SKI: variants seen among roughly 807,000 people sequenced by gnomAD.
SKI encodes SKI proto-oncogene.
Under a neutral mutation model 59.3 loss-of-function variants are expected in SKI, and 23 were observed. That is an observed-to-expected ratio of 0.39 (90% CI 0.28 to 0.55). The LOEUF (loss-of-function observed/expected upper bound fraction) is 0.55. Among genes scored for constraint, SKI ranks in the 20% least tolerant of loss-of-function variants. The probability of loss-of-function intolerance (pLI) is 0.67; values close to 1 mark genes in which losing one functional copy is unlikely to be tolerated. For missense variants in SKI, 1,017 were observed against 1,038.9 expected (o/e 0.98, Z 0.29); for synonymous variants, 673 against 488.6 (o/e 1.38, Z -4.98).
At position 2,306,645 on chromosome 1, in the gene SKI, G is replaced by T. The variant is rs1489819534; in HGVS notation, c.2067G>T (p.Leu689=). The change falls in exon 7 of 7, where the codon CTG becomes CTT. Residue 689 remains leucine (L), a synonymous_variant. Transcript: ENST00000378536. ...GGGAGCAGCTGCGGGCCGACCTGCTGCGGGAGCGCGAGGCCCGGGAGCACC... is the reference window on the plus strand; with the variant it reads ...GGGAGCAGCTGCGGGCCGACCTGCTTCGGGAGCGCGAGGCCCGGGAGCACC... ...ADREQLRADL[L]REREAREHLE... The T allele has an allele frequency of 6.5e-7, 1 of 1,545,142 alleles. No individual in the cohort carries two copies. Among genetic ancestry groups the T allele is most frequent in the East Asian group, 2.5e-5 (1 of 40,730 alleles).
At chr1:2,242,418 G>A (rs771165926) in intron 1 of SKI, among the ~76,000 whole-genome samples, 1 of 152,240 alleles carries the variant, frequency 6.6e-6, no homozygotes, top group Non-Finnish European at 1.5e-5. Context: ...CGCTGGAAAC[G>A]TGGGAAGCCG....
chr1:2,249,058 C>T (rs945797257), intron 1 of SKI, among the ~76,000 whole-genome samples: 8 of 152,200 alleles, frequency 5.3e-5, no homozygotes, highest in Non-Finnish European at 8.8e-5. Context: ...CTGGAGTGTG[C>T]GAGGCTGTCA....
At chr1:2,255,024 ACGTGCTTGTTAGGCCAGTTT>A (rs898806132) in intron 1 of SKI, among the ~76,000 whole-genome samples, 7 of 152,114 alleles carry the variant, frequency 4.6e-5, no homozygotes, top group African/African-American at 1.2e-4. Context: ...ACCACACCCC[ACGTGCTTGTTAGGCCAGTTT>A]CTCTCAGGTG....
In SKI at chr1:2,229,631, C is replaced by G. The variant is rs1569660678; in HGVS notation, c.865C>G (p.Gln289Glu). ...CTGGCGGGCCTACATCCTGCTGAGC[C>G]AGGATTACACGGGCAAGGAGGAGCA... ...ANWRAYILLS[Q>E]DYTGKEEQAR... The change falls in exon 1 of 7, where the codon CAG (glutamine) becomes GAG (glutamate). Residue 289 changes from glutamine to glutamate, a missense_variant. Physicochemically the swap from Gln to Glu is conservative, Grantham distance 29. Transcript: ENST00000378536. This position sits in a 1 kb window ranked among gnomAD's most constrained non-coding sequence, Gnocchi z 6.3. 6.2e-7 allele frequency: 1 copy of G among 1,612,526 alleles called. No homozygotes were observed. Among genetic ancestry groups the G allele is most frequent in the Non-Finnish European group, 8.5e-7 (1 of 1,179,870 alleles).
intron 1 of SKI, among the ~76,000 whole-genome samples, chr1:2,263,016 C>T (rs1442781668): frequency 6.6e-6 from 1 of 151,962 alleles, no homozygotes; most frequent in African/African-American, 2.4e-5. Flanking sequence ...TCTCCTGCCT[C>T]AGCCTCCTAA....
chr1:2,288,262 C>T (rs960762217), intron 1 of SKI, among the ~76,000 whole-genome samples: 1 of 152,190 alleles, frequency 6.6e-6, no homozygotes, highest in Non-Finnish European at 1.5e-5. Context: ...GCTGGGATTA[C>T]AGGTGTGCAC....
intron 1 of SKI, among the ~76,000 whole-genome samples, chr1:2,230,721 C>G (rs970235833): frequency 2.0e-5 from 3 of 152,168 alleles, no homozygotes; most frequent in Non-Finnish European, 4.4e-5. Context: ...TGTAACTTTT[C>G]TTTTAAATAT....
At chr1:2,260,535 CTTTTTTTTTTTT>C (rs3065260) in intron 1 of SKI, among the ~76,000 whole-genome samples, 1 of 67,820 alleles carries the variant, frequency 1.5e-5, no homozygotes, top group Non-Finnish European at 2.6e-5. Flanking sequence ...TGTTCTTTTT[CTTTTTTTTTTTT>C]TTTTTTTTTT....
intron 1 of SKI, among the ~76,000 whole-genome samples, chr1:2,284,751 G>A (rs988356277): frequency 6.6e-6 from 1 of 152,204 alleles, no homozygotes; most frequent in African/African-American, 2.4e-5. Flanking sequence ...GAGTCAGGGA[G>A]GGGTGGATGG....
rs1227982984 is a variant in SKI, at chr1:2,307,508, GCTC to G, written c.*748_*750del. On this transcript the variant is annotated 3_prime_UTR_variant, in exon 7 of 7. Transcript: ENST00000378536. The stretch of plus-strand genomic sequence containing the variant: ...CTCTGCACCCCGTGATTCTGCCCAC[GCTC>G]CTCCACCACGAGGCACTGACCTGCG... The G allele has an allele frequency of 6.6e-6, 1 of 152,374 alleles. No homozygotes were observed. Among genetic ancestry groups the G allele is most frequent in the Admixed American group, 6.5e-5 (1 of 15,284 alleles). 9.4% of individuals were successfully genotyped at this position (152,374 alleles called of 1,614,324 possible).
chr1:2,240,776 T>C, intron 1 of SKI: 2 of 985,420 alleles, frequency 2.0e-6, no homozygotes, highest in Non-Finnish European at 2.4e-6. Flanking sequence ...CACAGCATCC[T>C]GTTGTTCGTG....
chr1:2,273,817 T>C (rs1639682271), intron 1 of SKI, among the ~76,000 whole-genome samples: 1 of 152,184 alleles, frequency 6.6e-6, no homozygotes, highest in African/African-American at 2.4e-5. Flanking sequence ...GTGGCCCTCC[T>C]GTCTGTTCTG....
chr1:2,304,905 G>T (rs1640528440), intron 5 of SKI, among the ~76,000 whole-genome samples: 1 of 152,244 alleles, frequency 6.6e-6, no homozygotes. Context: ...ATGTTTCTCT[G>T]GTATAAGGGA....
chr1:2,240,824 A>G (rs568131922), intron 1 of SKI: 12 of 984,828 alleles, frequency 1.2e-5, no homozygotes, highest in Middle Eastern at 1.0e-3. Flanking sequence ...AGCTCTTAGG[A>G]AAATCCGTGC....
At chr1:2,278,990 C>T (rs1639809076) in intron 1 of SKI, among the ~76,000 whole-genome samples, 1 of 152,200 alleles carries the variant, frequency 6.6e-6, no homozygotes, top group Admixed American at 6.5e-5. Flanking sequence ...TCATCTCCCT[C>T]CCCAGACAGT....
At chr1:2,284,767 G>A (rs139587345) in intron 1 of SKI, among the ~76,000 whole-genome samples, 1,812 of 152,296 alleles carry the variant, frequency 0.012, 20 homozygotes, top group Middle Eastern at 0.027. Context: ...GATGGCCGGC[G>A]TGGCTGTAAG....
At position 2,274,354 on chromosome 1, in the gene SKI, C is replaced by T. The variant is rs1483148735; in HGVS notation, c.970-28624C>T. The stretch of plus-strand genomic sequence containing the variant: ...CACGGTTCTTCTCTCTGCATTTCAG[C>T]CAGGCCCCCATATGCTGGGTTTGCA... On this transcript the variant is annotated intron_variant, in intron 1 of 6. Coordinates refer to ENST00000378536, the MANE Select transcript of SKI (RefSeq NM_003036.4). Among the ~76,000 whole-genome samples the T allele has an allele frequency of 2.0e-5, 3 of 152,304 alleles. No individual in the cohort carries two copies. The East Asian group carries it at 5.8e-4, about 29-fold the overall frequency.
At chr1:2,250,167 A>G (rs1008146692) in intron 1 of SKI, among the ~76,000 whole-genome samples, 3 of 152,164 alleles carry the variant, frequency 2.0e-5, no homozygotes, top group African/African-American at 4.8e-5. Flanking sequence ...TGGCCTCCCA[A>G]AGTGCTGGGA....
chr1:2,246,659 G>A (rs564681917), intron 1 of SKI, among the ~76,000 whole-genome samples: 1 of 152,180 alleles, frequency 6.6e-6, no homozygotes, highest in Admixed American at 6.5e-5. Flanking sequence ...GGGCTCTGCC[G>A]GGACTGGTGG....
Sources: allele counts gnomAD v4.1 joint callset (sites outside exome capture counted in the v4.1 genomes callset), GRCh38; gene constraint gnomAD v4.1.1; non-coding constraint Gnocchi (gnomAD v3.1); transcripts MANE v1.5; gene names NCBI Gene and HGNC (gene_info 2026-07-23, HGNC 2026-07-21).